NRCAM: variants seen among roughly 807,000 people sequenced by gnomAD.
The protein encoded by NRCAM is neuronal cell adhesion molecule.
Under a neutral mutation model 156.5 loss-of-function variants are expected in NRCAM, and 83 were observed. That is an observed-to-expected ratio of 0.53 (90% CI 0.44 to 0.64). The LOEUF is 0.64. Ranked by LOEUF, NRCAM falls within the 30% of genes least tolerant of loss-of-function variation. The pLI is 0.00. For missense variants in NRCAM, 1,417 were observed against 1,597.3 expected (o/e 0.89, Z 1.92); for synonymous variants, 538 against 563.9 (o/e 0.95, Z 0.65).
At chr7:108,400,120 T>C (rs1054244667) in intron 1 of NRCAM, among the ~76,000 whole-genome samples, 40 of 152,102 alleles carry the variant, frequency 2.6e-4, no homozygotes, top group African/African-American at 9.2e-4. Flanking sequence ...TAAGAAAATA[T>C]GGCATCTGGA....
chr7:108,311,723 T>C (rs1018270818), intron 3 of NRCAM, among the ~76,000 whole-genome samples: 1 of 152,212 alleles, frequency 6.6e-6, no homozygotes, highest in South Asian at 2.1e-4. Context: ...AGCTGAGGCA[T>C]GAATCATTTC....
chr7:108,453,927 C>T (rs1853488231), intron 1 of NRCAM, among the ~76,000 whole-genome samples: 1 of 152,138 alleles, frequency 6.6e-6, no homozygotes, highest in African/African-American at 2.4e-5. Flanking sequence ...TCAAACTCAA[C>T]ATCCAATTTG....
chr7:108,220,381 C>G (rs542800476), intron 11 of NRCAM, among the ~76,000 whole-genome samples: 1 of 152,192 alleles, frequency 6.6e-6, no homozygotes, highest in South Asian at 2.1e-4. Flanking sequence ...GAAGACCCCA[C>G]ACAGCCAAAG....
intron 3 of NRCAM, among the ~76,000 whole-genome samples, chr7:108,267,997 G>C (rs184291730): frequency 1.5e-4 from 5 of 32,906 alleles, no homozygotes; most frequent in African/African-American, 5.2e-4. Context: ...GAATAAATGA[G>C]TGCACATCAG....
At chr7:108,240,444 A>G (rs2095446497) in intron 3 of NRCAM, among the ~76,000 whole-genome samples, 2 of 152,192 alleles carry the variant, frequency 1.3e-5, no homozygotes, top group African/African-American at 2.4e-5. Flanking sequence ...ATGAGTGTTC[A>G]GAGGCTATCG....
intron 30 of NRCAM, among the ~76,000 whole-genome samples, chr7:108,166,484 G>A (rs911256330): frequency 6.6e-6 from 1 of 151,914 alleles, no homozygotes; most frequent in African/African-American, 2.4e-5. Flanking sequence ...CTGACCTCAG[G>A]TGATCCGCCT....
chr7:108,418,562 C>T (rs1289318274), intron 1 of NRCAM, among the ~76,000 whole-genome samples: 80 of 23,894 alleles, frequency 3.3e-3, no homozygotes, highest in African/African-American at 0.01. Context: ...ACATATTATA[C>T]ACACACACAC....
At chr7:108,185,552 C>A (rs1204093407) in intron 20 of NRCAM, among the ~76,000 whole-genome samples, 1 of 152,102 alleles carries the variant, frequency 6.6e-6, no homozygotes, top group African/African-American at 2.4e-5. Context: ...CCTAGCAAAA[C>A]CCCGTCTCTA....
chr7:108,368,241 C>CCCT (rs2099606092), intron 2 of NRCAM, among the ~76,000 whole-genome samples: 1 of 134,390 alleles, frequency 7.4e-6, no homozygotes, highest in African/African-American at 2.7e-5. Context: ...CCCACCCCCC[C>CCCT]GCCTGCTCAC....
intron 25 of NRCAM, 47 bp downstream of exon 25, chr7:108,180,176 G>T: frequency 6.4e-7 from 1 of 1,561,506 alleles, no homozygotes; most frequent in Non-Finnish European, 8.8e-7. Flanking sequence ...AACCTCTCAG[G>T]CCATGCCATA....
At chr7:108,230,102 A>T (rs892551811) in intron 8 of NRCAM, among the ~76,000 whole-genome samples, 1 of 152,122 alleles carries the variant, frequency 6.6e-6, no homozygotes, top group Non-Finnish European at 1.5e-5. Flanking sequence ...TAACAGAAAC[A>T]TAACATATCC....
At chr7:108,335,365 AAG>A (rs2099168325) in intron 2 of NRCAM, among the ~76,000 whole-genome samples, 2 of 151,646 alleles carry the variant, frequency 1.3e-5, no homozygotes, top group African/African-American at 4.8e-5. Flanking sequence ...AAGAGAAGAT[AAG>A]AGAGTGGAAA....
intron 2 of NRCAM, among the ~76,000 whole-genome samples, chr7:108,363,613 G>A (rs1210017932): frequency 1.3e-5 from 2 of 152,260 alleles, no homozygotes; most frequent in South Asian, 4.1e-4. Context: ...CAGTATGGAA[G>A]GATTGGGTAG....
chr7:108,356,183 G>T (rs898564186), intron 2 of NRCAM, among the ~76,000 whole-genome samples: 9 of 152,090 alleles, frequency 5.9e-5, no homozygotes, highest in African/African-American at 2.2e-4. Context: ...TCCTGACCTC[G>T]TGATCTGCCT....
intron 30 of NRCAM, among the ~76,000 whole-genome samples, chr7:108,164,502 T>C (rs382751): frequency 0.77 from 115,932 of 149,876 alleles, 44,870 homozygotes; most frequent in East Asian, 0.99. Context: ...AATTAGCCAA[T>C]GATAGGCTTT....
intron 2 of NRCAM, among the ~76,000 whole-genome samples, chr7:108,366,576 C>G (rs1051005438): frequency 6.6e-6 from 1 of 152,112 alleles, no homozygotes; most frequent in Non-Finnish European, 1.5e-5. Context: ...TTTGCTTTCC[C>G]CACCTGTAAA....
intron 1 of NRCAM, among the ~76,000 whole-genome samples, chr7:108,405,955 A>ATT (rs10643404): frequency 0.28 from 35,839 of 127,932 alleles, 4,438 homozygotes; most frequent in South Asian, 0.44. Context: ...TGCCTCTACA[A>ATT]TTTTTTTTTT....
chr7:108,249,547 G>C (rs1281847433), intron 3 of NRCAM, among the ~76,000 whole-genome samples: 1 of 152,128 alleles, frequency 6.6e-6, no homozygotes, highest in Non-Finnish European at 1.5e-5. Flanking sequence ...CCATTTGTTT[G>C]CAAGAAAATT....
At chr7:108,303,342 C>G (rs2098660626) in intron 3 of NRCAM, among the ~76,000 whole-genome samples, 1 of 152,140 alleles carries the variant, frequency 6.6e-6, no homozygotes, top group South Asian at 2.1e-4. Context: ...CTTGCTCTTC[C>G]TCATTCTTCA....
Sources: allele counts gnomAD v4.1 joint callset (sites outside exome capture counted in the v4.1 genomes callset), GRCh38; gene constraint gnomAD v4.1.1; transcripts MANE v1.5; gene names NCBI Gene and HGNC (gene_info 2026-07-23, HGNC 2026-07-21).